The following DNAJC5 variants were observed in gnomAD, a reference collection of about 807,000 sequenced individuals.
DNAJC5 encodes the protein dnaJ homolog subfamily C member 5.
Under a neutral mutation model 23.2 loss-of-function variants are expected in DNAJC5, and 1 was observed. That is an observed-to-expected ratio of 0.04 (90% CI 0.02 to 0.20). The LOEUF is 0.20. Among genes scored for constraint, DNAJC5 ranks in the 10% least tolerant of loss-of-function variants. DNAJC5 has a pLI of 1.00. For synonymous variants in DNAJC5, 136 were observed against 120.0 expected (o/e 1.13, Z -0.87); for missense variants, 180 against 267.0 (o/e 0.67, Z 2.27).
chr20:63,903,639 G>A (rs762050143), intron 1 of DNAJC5, among the ~76,000 whole-genome samples: 29 of 151,694 alleles, frequency 1.9e-4, no homozygotes, highest in Non-Finnish European at 3.2e-4. Flanking sequence ...TCTTCGTATA[G>A]AAATTTTTAA....
chr20:63,924,623 G>C (rs574511337), intron 1 of DNAJC5, among the ~76,000 whole-genome samples: 21 of 152,284 alleles, frequency 1.4e-4, no homozygotes, highest in African/African-American at 4.6e-4. Context: ...GGAGGCCGAG[G>C]GGGGGATTGA....
chr20:63,917,969 A>G (rs1472621341), intron 1 of DNAJC5, among the ~76,000 whole-genome samples: 1 of 152,158 alleles, frequency 6.6e-6, no homozygotes, highest in African/African-American at 2.4e-5. Flanking sequence ...TCCTCCTGCC[A>G]GTGTCTGTGC....
At chr20:63,905,970 A>C (rs901683128) in intron 1 of DNAJC5, among the ~76,000 whole-genome samples, 2 of 151,432 alleles carry the variant, frequency 1.3e-5, no homozygotes, top group African/African-American at 4.9e-5. Context: ...CACTGACCTC[A>C]GGTGATCCGC....
intron 1 of DNAJC5, among the ~76,000 whole-genome samples, chr20:63,922,981 A>C (rs2053584289): frequency 6.6e-6 from 1 of 151,414 alleles, no homozygotes; most frequent in Non-Finnish European, 1.5e-5. Context: ...TCTCTACTAA[A>C]AATACAAAAA....
In DNAJC5 at chr20:63,931,020, G is replaced by T. The variant is rs762961919; in HGVS notation, c.491G>T (p.Arg164Met). 1 of 1,613,874 alleles carries T rather than the reference G, an allele frequency of 6.2e-7. No individual in the cohort carries two copies. Among genetic ancestry groups the T allele is most frequent in the East Asian group, 2.2e-5 (1 of 44,886 alleles). ...DLEAQLQSDE[R>M]EATDTPIVIQ... ...GAGGCACAGCTGCAGTCTGACGAGAGGGGTGAGTGCCCGCCCCAGGGCCCG... is the reference window on the plus strand; with the variant it reads ...GAGGCACAGCTGCAGTCTGACGAGATGGGTGAGTGCCCGCCCCAGGGCCCG... Residue 164 changes from arginine to methionine, a missense_variant and splice_region_variant, in exon 4 of 5, where the codon AGG (arginine) becomes ATG (methionine). This residue lies in a region of DNAJC5 where 97 missense variants were observed against 123.4 expected (regional missense o/e 0.79). Coordinates refer to ENST00000360864, the MANE Select transcript of DNAJC5 (RefSeq NM_025219.3). This position sits in a 1 kb window ranked among gnomAD's most constrained non-coding sequence, Gnocchi z 9.6.
chr20:63,903,837 A>G (rs998529448), intron 1 of DNAJC5, among the ~76,000 whole-genome samples: 5 of 151,990 alleles, frequency 3.3e-5, no homozygotes, highest in Non-Finnish European at 2.9e-5. Flanking sequence ...TGTAACCCCA[A>G]CACTTTGGGA....
chr20:63,905,341 C>A (rs1189763527), intron 1 of DNAJC5, among the ~76,000 whole-genome samples: 1 of 152,096 alleles, frequency 6.6e-6, no homozygotes, highest in Non-Finnish European at 1.5e-5. Context: ...ATCTCGACCT[C>A]CTGACCTCAA....
chr20:63,929,877 C>T lies in DNAJC5; in HGVS notation c.321+352C>T, dbSNP rs1021150330. On this transcript the variant is annotated intron_variant, in intron 3 of 4. Transcript: ENST00000360864. The surrounding 1 kb of genome is among the most constrained non-coding windows in gnomAD (Gnocchi z 8.6). ...GGGCATATGGAGCCTTTCTCCTCAC[C>T]TGTGTGATGGGCGAAGCTCTGTCAC... Among the ~76,000 whole-genome samples, 3 of 152,232 alleles carry T rather than the reference C, an allele frequency of 2.0e-5. No individual in the cohort carries two copies. Among genetic ancestry groups the T allele is most frequent in the African/African-American group, 7.2e-5 (3 of 41,456 alleles).
At chr20:63,924,848 C>T (rs1252319842) in intron 1 of DNAJC5, among the ~76,000 whole-genome samples, 1 of 152,244 alleles carries the variant, frequency 6.6e-6, no homozygotes, top group Non-Finnish European at 1.5e-5. Flanking sequence ...GCCAGTGATG[C>T]CCCACCTGGG....
In DNAJC5 at chr20:63,895,133, TGAGCGTGCTC is replaced by T. The variant is rs2053363669; in HGVS notation, c.-200_-191del. On this transcript the variant is annotated 5_prime_UTR_variant, in exon 1 of 5. Coordinates refer to ENST00000360864, the MANE Select transcript of DNAJC5 (RefSeq NM_025219.3). ...GCGCGCGCCGGTGCGGGTGCGTGCG[TGAGCGTGCTC>T]GTCTCCGCTGCCGCTGCCGCTGCCG... The T allele has an allele frequency of 6.5e-6, 1 of 152,784 alleles. No homozygotes were observed. Among genetic ancestry groups the T allele is most frequent in the Admixed American group, 6.6e-5 (1 of 15,208 alleles). 9.5% of individuals were successfully genotyped at this position (152,784 alleles called of 1,614,324 possible).
chr20:63,930,809 G>T (rs2053662694), intron 3 of DNAJC5, 42 bp from the exon 4 acceptor site: 1 of 1,610,318 alleles, frequency 6.2e-7, no homozygotes. Context: ...CCCTCTCCAG[G>T]GGCCTCGGAG....
At chr20:63,913,963 G>C (rs139440562) in intron 1 of DNAJC5, among the ~76,000 whole-genome samples, 19 of 152,234 alleles carry the variant, frequency 1.2e-4, no homozygotes, top group African/African-American at 3.4e-4. Context: ...GTCTCTCTCT[G>C]AGCACTCCAT....
intron 1 of DNAJC5, among the ~76,000 whole-genome samples, chr20:63,905,857 C>A (rs776810982): frequency 2.6e-5 from 4 of 152,050 alleles, no homozygotes; most frequent in Non-Finnish European, 5.9e-5. Flanking sequence ...GCCTCAGCCT[C>A]CCGAGTAGCT....
At chr20:63,904,509 C>A (rs990954740) in intron 1 of DNAJC5, among the ~76,000 whole-genome samples, 1 of 152,244 alleles carries the variant, frequency 6.6e-6, no homozygotes, top group African/African-American at 2.4e-5. Flanking sequence ...TCTGAAGTGG[C>A]CTTGAACAGG....
chr20:63,928,586 G>A lies in DNAJC5; in HGVS notation c.107+134G>A, dbSNP rs567492504. 10 of 739,032 alleles carry A rather than the reference G, an allele frequency of 1.4e-5. No homozygotes were observed. Among genetic ancestry groups the A allele is most frequent in the East Asian group, 5.3e-5 (2 of 37,538 alleles). The allele number at this position is 739,032 out of a possible 1,614,324, so 45.8% of individuals were successfully genotyped here. A position where few individuals can be genotyped will look rare whatever the true frequency, so the allele number is the denominator to read the frequency against. ...CTCAGCGTTGAACTGGTCACAGCTC[G>A]GTAACACCTTTGTATGTGTAATGTG... is the stretch of plus-strand genomic sequence containing the variant. On this transcript the variant is annotated intron_variant, in intron 2 of 4. Transcript: ENST00000360864. This position sits in a 1 kb window ranked among gnomAD's most constrained non-coding sequence, Gnocchi z 4.6.
chr20:63,921,030 G>C (rs955175392), intron 1 of DNAJC5, among the ~76,000 whole-genome samples: 1 of 152,096 alleles, frequency 6.6e-6, no homozygotes. Flanking sequence ...CACGGTCTCA[G>C]CTCGCTGCAA....
At position 63,930,926 on chromosome 20, in the gene DNAJC5, T is replaced by C. The variant is rs1424795884; in HGVS notation, c.397T>C (p.Cys133Arg). The C allele has an allele frequency of 6.2e-7, 1 of 1,614,048 alleles. No individual in the cohort carries two copies. ...CCLCCCFNCC[C>R]GKCKPKAPEG... ...TCTGTGCTGCTGCTTCAACTGCTGC[T>C]GCGGGAAGTGTAAGCCCAAGGCGCC... Residue 133 changes from cysteine (C) to arginine (R), a missense_variant, in exon 4 of 5, where the codon TGC becomes CGC. Around this residue, in one of 3 missense-constraint regions of DNAJC5, gnomAD observed 97 missense variants for 123.4 expected, o/e 0.79. Transcript: ENST00000360864.
intron 1 of DNAJC5, among the ~76,000 whole-genome samples, chr20:63,895,628 C>T (rs1600855210): frequency 6.6e-6 from 1 of 151,660 alleles, no homozygotes; most frequent in Non-Finnish European, 1.5e-5. Flanking sequence ...CCGGACGCCC[C>T]CTCCGCTCCC....
chr20:63,930,108 C>T (rs1277690698), intron 3 of DNAJC5, among the ~76,000 whole-genome samples: 3 of 152,228 alleles, frequency 2.0e-5, no homozygotes, highest in African/African-American at 7.2e-5. Context: ...GGAATCACTG[C>T]ATGGCATTTG....
Sources: allele counts gnomAD v4.1 joint callset (sites outside exome capture counted in the v4.1 genomes callset), GRCh38; gene constraint gnomAD v4.1.1; regional missense constraint gnomAD v4.1.1; non-coding constraint Gnocchi (gnomAD v3.1); transcripts MANE v1.5; gene names NCBI Gene and HGNC (gene_info 2026-07-23, HGNC 2026-07-21).